The following MAP4K3 variants were observed in gnomAD, a reference collection of about 807,000 sequenced individuals.
The protein encoded by MAP4K3 is mitogen-activated protein kinase kinase kinase kinase 3.
In MAP4K3, 94 loss-of-function variants were observed where a neutral mutation model predicts 143.5. The ratio of observed to expected loss-of-function variants is 0.65; its 90% CI spans 0.55 to 0.78. The LOEUF (loss-of-function observed/expected upper bound fraction) is 0.78. Among genes scored for constraint, MAP4K3 ranks in the 30% least tolerant of loss-of-function variants. The pLI is 0.00. For missense variants in MAP4K3, 1,077 were observed against 1,068.1 expected (o/e 1.01, Z -0.12); for synonymous variants, 416 against 347.2 (o/e 1.20, Z -2.20).
At chr2:39,258,721 G>A (rs975737600) in intron 29 of MAP4K3, 134 bp from the exon 30 acceptor site, 3 of 699,786 alleles carry the variant, frequency 4.3e-6, no homozygotes, top group Non-Finnish European at 7.6e-6. Flanking sequence ...TGTAGTGACT[G>A]AGCCAGGCTA....
At chr2:39,357,831 C>T (rs1047943225) in intron 2 of MAP4K3, among the ~76,000 whole-genome samples, 1 of 152,218 alleles carries the variant, frequency 6.6e-6, no homozygotes, top group Non-Finnish European at 1.5e-5. Flanking sequence ...CTTTTAGTTT[C>T]TCACTCAACC....
intron 1 of MAP4K3, among the ~76,000 whole-genome samples, chr2:39,420,677 T>G (rs368953077): frequency 1.3e-5 from 2 of 151,562 alleles, no homozygotes; most frequent in Admixed American, 1.3e-4. Context: ...CATCCTGAAG[T>G]GTTGGAATTA....
intron 13 of MAP4K3, among the ~76,000 whole-genome samples, chr2:39,311,322 G>A (rs572640275): frequency 1.2e-3 from 190 of 152,168 alleles, no homozygotes; most frequent in Admixed American, 2.1e-3. Flanking sequence ...CAGGTGATCC[G>A]CCCGCCTCGG....
chr2:39,332,200 T>G (rs1337646843), intron 7 of MAP4K3, among the ~76,000 whole-genome samples: 1 of 152,026 alleles, frequency 6.6e-6, no homozygotes, highest in Non-Finnish European at 1.5e-5. Context: ...CAAATAAGAT[T>G]CCCATATATC....
At chr2:39,336,315 A>T (rs1432563324) in intron 6 of MAP4K3, among the ~76,000 whole-genome samples, 2 of 151,936 alleles carry the variant, frequency 1.3e-5, no homozygotes. Context: ...TTTACTAAAA[A>T]TATGAAAATT....
chr2:39,292,141 A>C (rs1014006246), intron 18 of MAP4K3, among the ~76,000 whole-genome samples: 5 of 152,230 alleles, frequency 3.3e-5, no homozygotes, highest in African/African-American at 1.2e-4. Context: ...GAAATATAAC[A>C]GATTAAAATT....
chr2:39,395,662 TAAC>T (rs928747278), intron 1 of MAP4K3, among the ~76,000 whole-genome samples: 1 of 152,196 alleles, frequency 6.6e-6, no homozygotes, highest in African/African-American at 2.4e-5. Context: ...TACTGTGACA[TAAC>T]AAAACTTTGT....
intron 3 of MAP4K3, among the ~76,000 whole-genome samples, chr2:39,355,359 CAAAAA>C (rs34355105): frequency 5.8e-5 from 2 of 34,540 alleles, no homozygotes; most frequent in African/African-American, 1.2e-4. Context: ...GACTCCACCT[CAAAAA>C]AAAAAAAAAA....
intron 2 of MAP4K3, among the ~76,000 whole-genome samples, chr2:39,373,841 T>C (rs974953477): frequency 6.6e-6 from 1 of 152,060 alleles, no homozygotes; most frequent in Non-Finnish European, 1.5e-5. Context: ...GATGGTTAAT[T>C]GGTACAAAAA....
chr2:39,383,874 G>A (rs1402652272), intron 1 of MAP4K3, among the ~76,000 whole-genome samples: 1 of 152,116 alleles, frequency 6.6e-6, no homozygotes, highest in Non-Finnish European at 1.5e-5. Context: ...CGAGGCAAAA[G>A]TGGGCAGATC....
intron 13 of MAP4K3, among the ~76,000 whole-genome samples, chr2:39,312,228 A>C (rs1316192199): frequency 6.6e-6 from 1 of 152,156 alleles, no homozygotes; most frequent in Non-Finnish European, 1.5e-5. Context: ...TTGCTTTCTA[A>C]TGTATTGAAT....
intron 3 of MAP4K3, among the ~76,000 whole-genome samples, chr2:39,350,213 T>A (rs1665412971): frequency 6.6e-6 from 1 of 152,202 alleles, no homozygotes; most frequent in African/African-American, 2.4e-5. Context: ...TAACATCAAC[T>A]TTCAGATATA....
intron 16 of MAP4K3, among the ~76,000 whole-genome samples, chr2:39,295,103 C>A (rs1682215428): frequency 6.6e-6 from 1 of 151,026 alleles, no homozygotes; most frequent in Non-Finnish European, 1.5e-5. Context: ...TAAAAAATAG[C>A]TATTTTTTTC....
intron 1 of MAP4K3, among the ~76,000 whole-genome samples, chr2:39,433,380 T>C (rs761988768): frequency 1.3e-5 from 2 of 152,212 alleles, no homozygotes; most frequent in African/African-American, 4.8e-5. Flanking sequence ...TATCTCCTGC[T>C]TCTTTCTAGC....
Position 39,435,882 on chromosome 2 carries a change from G to C in MAP4K3, c.96+1010C>G, listed in dbSNP as rs150896177. On this transcript the variant is annotated intron_variant, in intron 1 of 33. Transcript: ENST00000263881. Reference sequence around the variant, plus strand: ...TGGCTGCACTGTATTAAATATGTAAGTTACCACAGGCATTACACTGAAGAG... The same window carrying C: ...TGGCTGCACTGTATTAAATATGTAACTTACCACAGGCATTACACTGAAGAG... 2.6e-3 allele frequency among the ~76,000 whole-genome samples: 390 copies of C among 152,336 alleles called. 3 individuals are homozygous for C. The highest frequency in any genetic ancestry group is 9.0e-3 in the African/African-American group (374 of 41,570).
At chr2:39,361,207 G>C (rs1353267822) in intron 2 of MAP4K3, among the ~76,000 whole-genome samples, 1 of 151,526 alleles carries the variant, frequency 6.6e-6, no homozygotes, top group African/African-American at 2.4e-5. Flanking sequence ...ACACCCTTTT[G>C]TCTCTACATT....
chr2:39,342,695 C>T (rs945028018), intron 4 of MAP4K3, among the ~76,000 whole-genome samples: 1 of 152,056 alleles, frequency 6.6e-6, no homozygotes. Flanking sequence ...GTGTAATTCA[C>T]CCCTCAAATT....
intron 2 of MAP4K3, among the ~76,000 whole-genome samples, chr2:39,365,430 A>AATTTT (rs201894555): frequency 4.4e-4 from 39 of 87,910 alleles, no homozygotes; most frequent in Non-Finnish European, 5.7e-4. Flanking sequence ...CGCCATAGTA[A>AATTTT]TTTTTTTTTT....
In MAP4K3 at chr2:39,325,758, T is replaced by C; in HGVS notation, c.779A>G (p.Lys260Arg). 1.2e-6 allele frequency: 2 copies of C among 1,610,412 alleles called. No individual in the cohort carries two copies. Among genetic ancestry groups the C allele is most frequent in the Non-Finnish European group, 1.7e-6 (2 of 1,178,564 alleles). ...VKMALTKNPKKRPTAEKLLQH... is the reference protein window; with the variant it reads ...VKMALTKNPKRRPTAEKLLQH... ...TAATAATTTTTCAGCAGTAGGTCTT[T>C]TTTTCGGATTTTTGGTAAGTGCCAT... is the stretch of plus-strand genomic sequence containing the variant. The change falls in exon 11 of 34, where the codon AAA (lysine) becomes AGA (arginine). Residue 260 changes from lysine (K) to arginine (R), a missense_variant. By Grantham distance (26) the Lys-to-Arg change is conservative (BLOSUM62 2). Around this residue, in one of 2 missense-constraint regions of MAP4K3, gnomAD observed 864 missense variants for 801.2 expected, o/e 1.08. Coordinates refer to ENST00000263881, the MANE Select transcript of MAP4K3 (RefSeq NM_003618.4).
Sources: gnomAD v4.1 joint callset for allele counts (sites outside exome capture counted in the v4.1 genomes callset) on GRCh38, gnomAD v4.1.1 for gene constraint, gnomAD v4.1.1 regional missense constraint, MANE v1.5 for transcripts, NCBI Gene and HGNC (gene_info 2026-07-23, HGNC 2026-07-21) for gene names.